ATXN7L1: variants seen among roughly 807,000 people sequenced by gnomAD.
The protein encoded by ATXN7L1 is ataxin 7 like 1.
A neutral mutation model predicts 70.8 loss-of-function variants in ATXN7L1; 15 were observed. The ratio of observed to expected loss-of-function variants is 0.21; its 90% confidence interval spans 0.14 to 0.33. The LOEUF is 0.33. Ranked by LOEUF, ATXN7L1 falls within the 10% of genes least tolerant of loss-of-function variation. ATXN7L1 has a pLI of 1.00. For synonymous variants in ATXN7L1, 440 were observed against 445.1 expected (o/e 0.99, Z 0.14); for missense variants, 975 against 1,097.1 (o/e 0.89, Z 1.57).
chr7:105,659,345 T>C (rs1247556873), intron 4 of ATXN7L1, among the ~76,000 whole-genome samples: 2 of 152,178 alleles, frequency 1.3e-5, no homozygotes, highest in Admixed American at 1.3e-4. Context: ...TCGACAAATA[T>C]TTACTGACAC....
rs142637508 is a variant in ATXN7L1, at chr7:105,856,168, C to T, written c.250+19644G>A. Among the ~76,000 whole-genome samples, 1,036 of 152,262 alleles carry T rather than the reference C, an allele frequency of 6.8e-3. 14 individuals are homozygous for T. Among genetic ancestry groups the T allele is most frequent in the African/African-American group, 0.023 (967 of 41,538 alleles). On this transcript the variant is annotated intron_variant, in intron 2 of 11. Coordinates refer to ENST00000419735, the MANE Select transcript of ATXN7L1 (RefSeq NM_020725.2). ...CACTGACTTAAATGAAAATATCAAC[C>T]AATACTTATGTGGGGTTTACACCTG... is the stretch of plus-strand genomic sequence containing the variant.
chr7:105,679,039 C>G (rs143908087), intron 3 of ATXN7L1: 2 of 980,326 alleles, frequency 2.0e-6, no homozygotes, highest in African/African-American at 3.5e-5. Context: ...TCGTGCCCTG[C>G]GCTCACACTT....
At chr7:105,734,480 G>A (rs764903429) in intron 3 of ATXN7L1, among the ~76,000 whole-genome samples, 6 of 152,170 alleles carry the variant, frequency 3.9e-5, no homozygotes, top group East Asian at 1.9e-4. Context: ...CCCAGCTCCC[G>A]TCAAGGTGAT....
intron 3 of ATXN7L1, among the ~76,000 whole-genome samples, chr7:105,730,515 A>G (rs973651913): frequency 1.3e-5 from 2 of 152,064 alleles, no homozygotes; most frequent in Non-Finnish European, 2.9e-5. Context: ...AGTGGATCAC[A>G]TGGTCAGGAG....
At chr7:105,636,450 C>T (rs1434989684) in intron 7 of ATXN7L1, among the ~76,000 whole-genome samples, 1 of 149,716 alleles carries the variant, frequency 6.7e-6, no homozygotes, top group South Asian at 2.1e-4. Flanking sequence ...TTCCTCTGCC[C>T]CCCCCACCCC....
Position 105,642,992 on chromosome 7 carries a change from G to A in ATXN7L1, c.708C>T (p.Ser236=), listed in dbSNP as rs1428249031. 6.4e-7 allele frequency: 1 copy of A among 1,551,808 alleles called. No homozygotes were observed. The highest frequency in any genetic ancestry group is 8.7e-7 in the Non-Finnish European group (1 of 1,147,016). The part of the protein sequence containing the change: ...SASSTSSSAV[S]TPPLIKPVLM... ...GGACAGGCTTAATTAAAGGAGGGGT[G>A]GAGACGGCAGAGGACGAGGTGGAGG... Residue 236 remains serine, a synonymous_variant, in exon 5 of 12, where the codon TCC becomes TCT. Transcript: ENST00000419735.
chr7:105,727,769 T>TATATATAC (rs1554442546), intron 3 of ATXN7L1, among the ~76,000 whole-genome samples: 1 of 120,298 alleles, frequency 8.3e-6, no homozygotes, highest in Admixed American at 8.6e-5. Flanking sequence ...TATATATATA[T>TATATATAC]ATATATATAC....
chr7:105,719,644 G>A (rs1794958409), intron 3 of ATXN7L1, among the ~76,000 whole-genome samples: 2 of 152,124 alleles, frequency 1.3e-5, no homozygotes, highest in Non-Finnish European at 2.9e-5. Flanking sequence ...AGCGGACTAA[G>A]CCTAGGAATG....
chr7:105,749,195 G>A (rs1217448886), intron 3 of ATXN7L1, among the ~76,000 whole-genome samples: 2 of 151,924 alleles, frequency 1.3e-5, no homozygotes, highest in Non-Finnish European at 2.9e-5. Context: ...AGTGTTTTGG[G>A]TTTCAGAGGA....
At chr7:105,674,423 G>A (rs1297953835) in intron 3 of ATXN7L1, among the ~76,000 whole-genome samples, 1 of 152,154 alleles carries the variant, frequency 6.6e-6, no homozygotes, top group Non-Finnish European at 1.5e-5. Flanking sequence ...CCTACCATGT[G>A]GTATGATACC....
intron 3 of ATXN7L1, among the ~76,000 whole-genome samples, chr7:105,754,633 AT>A (rs998003785): frequency 6.6e-6 from 1 of 151,802 alleles, no homozygotes; most frequent in Non-Finnish European, 1.5e-5. Flanking sequence ...CATATTTTAA[AT>A]TTTTTTGTAG....
intron 11 of ATXN7L1, among the ~76,000 whole-genome samples, chr7:105,608,604 A>G (rs1348892227): frequency 2.0e-5 from 3 of 152,156 alleles, no homozygotes; most frequent in East Asian, 3.8e-4. Context: ...GACAACCTCT[A>G]CAAGAGGCCC....
At chr7:105,773,904 A>T (rs1802364930) in intron 3 of ATXN7L1, among the ~76,000 whole-genome samples, 1 of 152,200 alleles carries the variant, frequency 6.6e-6, no homozygotes. Flanking sequence ...ATAGGACCGT[A>T]GTTCTTCAGC....
chr7:105,693,504 T>G (rs76265388), intron 3 of ATXN7L1, among the ~76,000 whole-genome samples: 25 of 152,218 alleles, frequency 1.6e-4, no homozygotes, highest in African/African-American at 6.0e-4. Context: ...TGAGAAATTT[T>G]AAATTGCTGG....
chr7:105,686,833 C>T (rs1316695471), intron 3 of ATXN7L1, among the ~76,000 whole-genome samples: 1 of 152,166 alleles, frequency 6.6e-6, no homozygotes, highest in East Asian at 1.9e-4. Context: ...CCGTCTGTAT[C>T]TATATGTAAT....
chr7:105,710,323 A>G (rs1341403769), intron 3 of ATXN7L1, among the ~76,000 whole-genome samples: 2 of 151,662 alleles, frequency 1.3e-5, no homozygotes, highest in Non-Finnish European at 2.9e-5. Flanking sequence ...CAATCATGGT[A>G]GAAGGTGAAG....
At chr7:105,733,503 C>G (rs1213265959) in intron 3 of ATXN7L1, among the ~76,000 whole-genome samples, 1 of 124,218 alleles carries the variant, frequency 8.1e-6, no homozygotes, top group African/African-American at 3.4e-5. Context: ...CCCATCCATC[C>G]TTCCATCCAT....
At chr7:105,836,163 G>T (rs145308468) in intron 2 of ATXN7L1, among the ~76,000 whole-genome samples, 2 of 152,176 alleles carry the variant, frequency 1.3e-5, no homozygotes, top group Admixed American at 1.3e-4. Flanking sequence ...GCATGGGATG[G>T]CACTGGGCTA....
chr7:105,794,588 A>T (rs1447711373), intron 2 of ATXN7L1, among the ~76,000 whole-genome samples: 1 of 152,338 alleles, frequency 6.6e-6, no homozygotes, highest in East Asian at 1.9e-4. Context: ...TTCATCATGT[A>T]CCATACTGGG....
Sources: allele counts gnomAD v4.1 joint callset (sites outside exome capture counted in the v4.1 genomes callset), GRCh38; gene constraint gnomAD v4.1.1; transcripts MANE v1.5; gene names NCBI Gene and HGNC (gene_info 2026-07-23, HGNC 2026-07-21).